Variants in ZYG11B observed in about 807,000 individuals in gnomAD.
ZYG11B encodes the protein zyg-11 family member B, cell cycle regulator, also known as protein zyg-11 homolog B.
In ZYG11B, 36 loss-of-function variants were observed where a neutral mutation model predicts 82.4. That is an observed-to-expected ratio of 0.44 (90% confidence interval 0.33 to 0.58). ZYG11B has a LOEUF of 0.58. ZYG11B is among the 20% of genes least tolerant of loss of function. The probability of loss-of-function intolerance (pLI) is 0.02; values close to 1 mark genes in which losing one functional copy is unlikely to be tolerated. For synonymous variants in ZYG11B, 303 were observed against 312.8 expected (o/e 0.97, Z 0.33); for missense variants, 552 against 895.6 (o/e 0.62, Z 4.90).
At chr1:52,757,482 C>T (rs1204289234) in intron 2 of ZYG11B, among the ~76,000 whole-genome samples, 2 of 151,874 alleles carry the variant, frequency 1.3e-5, no homozygotes, top group African/African-American at 4.8e-5. Context: ...TCGAGACCAG[C>T]CTGGCCAAGA....
chr1:52,727,988 T>A (rs1365041168), intron 1 of ZYG11B, among the ~76,000 whole-genome samples: 1 of 152,202 alleles, frequency 6.6e-6, no homozygotes, highest in African/African-American at 2.4e-5. Context: ...AATTATTTAA[T>A]CTATGAATTT....
intron 1 of ZYG11B, among the ~76,000 whole-genome samples, chr1:52,755,820 G>T (rs2149929379): frequency 6.6e-6 from 1 of 151,958 alleles, no homozygotes; most frequent in South Asian, 2.1e-4. Flanking sequence ...TGTTTTTTGA[G>T]ACAGAGCCTC....
At chr1:52,781,415 C>T (rs1457180704) in intron 4 of ZYG11B, among the ~76,000 whole-genome samples, 1 of 152,072 alleles carries the variant, frequency 6.6e-6, no homozygotes, top group African/African-American at 2.4e-5. Flanking sequence ...GGGAGAATTG[C>T]TCAAGCCAGG....
At chr1:52,817,098 G>A (rs1041653789) in intron 13 of ZYG11B, among the ~76,000 whole-genome samples, 5 of 151,962 alleles carry the variant, frequency 3.3e-5, no homozygotes, top group Non-Finnish European at 7.4e-5. Flanking sequence ...CACTGTGCCC[G>A]GCCAACTTAA....
chr1:52,821,667 T>G lies in ZYG11B; in HGVS notation c.*38T>G. ...TTGGATAGTTGAATCACAGGAATCC[T>G]TTTTGTGATTGGTCCATTTGGAATA... On this transcript the variant is annotated 3_prime_UTR_variant, in exon 14 of 14. Transcript: ENST00000294353. The G allele has an allele frequency of 6.4e-7, 1 of 1,550,560 alleles. No individual in the cohort carries two copies. The highest frequency in any genetic ancestry group is 8.8e-7 in the Non-Finnish European group (1 of 1,140,552).
intron 5 of ZYG11B, among the ~76,000 whole-genome samples, chr1:52,788,994 A>G (rs1410498715): frequency 6.6e-6 from 1 of 152,170 alleles, no homozygotes; most frequent in Non-Finnish European, 1.5e-5. Flanking sequence ...TATGATTCAG[A>G]TTTAAATGGA....
chr1:52,750,443 T>C (rs1050842017), intron 1 of ZYG11B, among the ~76,000 whole-genome samples: 2 of 152,148 alleles, frequency 1.3e-5, no homozygotes, highest in African/African-American at 4.8e-5. Flanking sequence ...TGGCTAATTT[T>C]TGTATTTTTA....
chr1:52,739,683 A>C (rs1644408641), intron 1 of ZYG11B, among the ~76,000 whole-genome samples: 1 of 151,936 alleles, frequency 6.6e-6, no homozygotes, highest in Non-Finnish European at 1.5e-5. Flanking sequence ...GTGCAGTAGC[A>C]TGATCTTGGC....
intron 1 of ZYG11B, among the ~76,000 whole-genome samples, chr1:52,728,729 G>T (rs1479590478): frequency 6.6e-6 from 1 of 152,140 alleles, no homozygotes; most frequent in Non-Finnish European, 1.5e-5. Context: ...CCCCTTTGAG[G>T]TATTTAGGAT....
At chr1:52,816,454 A>G (rs1396177494) in intron 12 of ZYG11B, 78 bp from the exon 13 acceptor site, 4 of 978,712 alleles carry the variant, frequency 4.1e-6, no homozygotes, top group Admixed American at 2.2e-5. Flanking sequence ...TTGAAAATGA[A>G]AAGTTTAGGA....
At chr1:52,766,740 G>A (rs1644692526) in intron 2 of ZYG11B, among the ~76,000 whole-genome samples, 1 of 152,156 alleles carries the variant, frequency 6.6e-6, no homozygotes. Flanking sequence ...CAGGCACAGT[G>A]GCTCACGCCT....
intron 2 of ZYG11B, among the ~76,000 whole-genome samples, chr1:52,760,440 T>TAAC (rs138134419): frequency 0.11 from 16,122 of 150,024 alleles, 1,931 homozygotes; most frequent in East Asian, 0.35. Context: ...ATGAGACTCT[T>TAAC]AACGACAACA....
chr1:52,820,878 A>T (rs1375186402), intron 13 of ZYG11B, among the ~76,000 whole-genome samples: 2 of 151,810 alleles, frequency 1.3e-5, no homozygotes, highest in African/African-American at 2.4e-5. Flanking sequence ...AGGCGGGAGG[A>T]TTGCTTGAGG....
At chr1:52,796,678 T>C (rs773867075) in intron 7 of ZYG11B, 56 bp from the exon 8 acceptor site, 294 of 1,383,212 alleles carry the variant, frequency 2.1e-4, no homozygotes, top group Non-Finnish European at 2.8e-4. Flanking sequence ...GTGAATGATA[T>C]TAAACTCACA....
intron 4 of ZYG11B, among the ~76,000 whole-genome samples, chr1:52,782,092 A>G (rs903417482): frequency 6.6e-6 from 1 of 151,988 alleles, no homozygotes; most frequent in Admixed American, 6.6e-5. Context: ...TTGAGGTAGC[A>G]TCTCACTCTG....
At chr1:52,797,428 T>TATTATATATC (rs1558137828) in intron 8 of ZYG11B, among the ~76,000 whole-genome samples, 5 of 51,636 alleles carry the variant, frequency 9.7e-5, no homozygotes, top group African/African-American at 3.8e-4. Context: ...TTATACATAT[T>TATTATATATC]ATATATAACA....
At position 52,813,579 on chromosome 1, in the gene ZYG11B, G is replaced by A; in HGVS notation, c.1739G>A (p.Trp580Ter). The A allele has an allele frequency of 6.2e-7, 1 of 1,613,664 alleles. No homozygotes were observed. The highest frequency in any genetic ancestry group is 8.5e-7 in the Non-Finnish European group (1 of 1,179,810). The change falls in exon 11 of 14, where the codon TGG becomes TAG. Residue 580 changes from tryptophan (W) to a stop codon, truncating the protein, a stop_gained. Transcript: ENST00000294353. LOFTEE classifies it high-confidence loss of function. Reference sequence around the variant, plus strand: ...CAAGAATTACATTCTGAATTAATGTGGAAAGATTTTATAGACCACATCAGT... The same window carrying A: ...CAAGAATTACATTCTGAATTAATGTAGAAAGATTTTATAGACCACATCAGT... Reference protein sequence around the residue: ...EVQELHSELMWKDFIDHISSL... With the variant: ...EVQELHSELM
In ZYG11B at chr1:52,762,976, T is replaced by TGG. The variant is rs34535989; in HGVS notation, c.196+6364_196+6365dup. Among the ~76,000 whole-genome samples, 649 of 102,858 alleles carry TGG rather than the reference T, an allele frequency of 6.3e-3. 6 individuals are homozygous for TGG. Among genetic ancestry groups the TGG allele is most frequent in the African/African-American group, 0.025 (588 of 23,538 alleles). 67.5% of individuals were successfully genotyped at this position (102,858 alleles called of 152,430 possible). The stretch of plus-strand genomic sequence containing the variant: ...GTTGGTTTTTGTAAAGGTGAGAGAT[T>TGG]GGGGGGGGGGGGTCTAGTTTCATTC... On this transcript the variant is annotated intron_variant, in intron 2 of 13. Coordinates refer to ENST00000294353, the MANE Select transcript of ZYG11B (RefSeq NM_024646.3).
At position 52,821,730 on chromosome 1, in the gene ZYG11B, A is replaced by G; in HGVS notation, c.*101A>G. On this transcript the variant is annotated 3_prime_UTR_variant, in exon 14 of 14. Coordinates refer to ENST00000294353, the MANE Select transcript of ZYG11B (RefSeq NM_024646.3). Reference sequence around the variant, plus strand: ...TGATGTTTTGGGGGTTTCTATGACAAGAGTCATAAAATCAGTTTGGGATTG... The same window carrying G: ...TGATGTTTTGGGGGTTTCTATGACAGGAGTCATAAAATCAGTTTGGGATTG... 8.9e-7 allele frequency: 1 copy of G among 1,123,832 alleles called. No individual in the cohort carries two copies. The highest frequency in any genetic ancestry group is 1.3e-6 in the Non-Finnish European group (1 of 795,088). The allele number at this position is 1,123,832 out of a possible 1,614,324, so 69.6% of individuals were successfully genotyped here. A position where few individuals can be genotyped will look rare whatever the true frequency, so the allele number is the denominator to read the frequency against.
Sources: allele counts gnomAD v4.1 joint callset (sites outside exome capture counted in the v4.1 genomes callset), GRCh38; gene constraint gnomAD v4.1.1; transcripts MANE v1.5; gene names NCBI Gene and HGNC (gene_info 2026-07-23, HGNC 2026-07-21).